MAP1S: variants seen among roughly 807,000 people sequenced by gnomAD.
MAP1S encodes microtubule-associated protein 1S.
Under a neutral mutation model 60.9 loss-of-function variants are expected in MAP1S, and 27 were observed. The ratio of observed to expected loss-of-function variants is 0.44; its 90% confidence interval spans 0.33 to 0.61. MAP1S has a LOEUF of 0.61. Among genes scored for constraint, MAP1S ranks in the 20% least tolerant of loss-of-function variants. The pLI, the probability that MAP1S is intolerant of heterozygous loss-of-function variation, is 0.03. For synonymous variants in MAP1S, 826 were observed against 694.2 expected (o/e 1.19, Z -2.98); for missense variants, 1,608 against 1,486.6 (o/e 1.08, Z -1.34).
Position 17,725,093 on chromosome 19 carries a change from G to T in MAP1S, c.348G>T (p.Val116=). Residue 116 remains valine (V), a synonymous_variant, in exon 4 of 7, where the codon GTG becomes GTT. Transcript: ENST00000324096. The surrounding 1 kb of genome is among the most constrained non-coding windows in gnomAD (Gnocchi z 4.2). ...ACCCTGCCTCTCACAAGCTACTGGT[G>T]TTGGCTGGGCCCTGCCTGGAGGAGA... ...LLDPASHKLL[V]LAGPCLEETG... 1 of 1,614,186 alleles carries T rather than the reference G, an allele frequency of 6.2e-7. No individual in the cohort carries two copies. The highest frequency in any genetic ancestry group is 2.2e-5 in the East Asian group (1 of 44,880).
rs1267194421 is a variant in MAP1S, at chr19:17,726,147, T to C, written c.763T>C (p.Phe255Leu). The C allele has an allele frequency of 1.2e-6, 2 of 1,613,772 alleles. No homozygotes were observed. Among genetic ancestry groups the C allele is most frequent in the African/African-American group, 2.7e-5 (2 of 74,928 alleles). Reference sequence around the variant, plus strand: ...CCCTGGAGGCCTCGGGGATGCCGCCTTCTTCGCCGTCAATGGCTTCACTGT... The same window carrying C: ...CCCTGGAGGCCTCGGGGATGCCGCCCTCTTCGCCGTCAATGGCTTCACTGT... ...IFPGGLGDAA[F>L]FAVNGFTVLV... is the part of the protein sequence containing the mutation. The change falls in exon 5 of 7, where the codon TTC becomes CTC. Residue 255 changes from phenylalanine to leucine, a missense_variant. Transcript: ENST00000324096.
At chr19:17,730,821 C>G (rs7254726) in intron 5 of MAP1S, among the ~76,000 whole-genome samples, 5,683 of 151,314 alleles carry the variant, frequency 0.038, 364 homozygotes, top group African/African-American at 0.13. Context: ...CTATTTTTTT[C>G]TTTTGTTGTC....
chr19:17,726,231 G>C lies in MAP1S; in HGVS notation c.847G>C (p.Asp283His), dbSNP rs1349585609. 1 of 1,608,868 alleles carries C rather than the reference G, an allele frequency of 6.2e-7. No individual in the cohort carries two copies. Residue 283 changes from aspartate to histidine, a missense_variant, in exon 5 of 7, where the codon GAC becomes CAC. Coordinates refer to ENST00000324096, the MANE Select transcript of MAP1S (RefSeq NM_018174.6). ...TTTCTGGAAGCTGGTGCGGCACCTG[G>C]ACCGCGTGGATGCCGTGCTGGTGAC... The part of the protein sequence containing the change: ...SSFWKLVRHL[D>H]RVDAVLVTHP...
rs1370663094 is a variant in MAP1S, at chr19:17,726,225, C to T, written c.841C>T (p.His281Tyr). The T allele has an allele frequency of 1.2e-6, 2 of 1,609,672 alleles. No individual in the cohort carries two copies. The highest frequency in any genetic ancestry group is 1.7e-5 in the Admixed American group (1 of 59,350). The change falls in exon 5 of 7, where the codon CAC becomes TAC. Residue 281 changes from histidine (H) to tyrosine (Y), a missense_variant. Transcript: ENST00000324096. The part of the protein sequence containing the change: ...PKSSFWKLVR[H>Y]LDRVDAVLVT... ...GTCCAGTTTCTGGAAGCTGGTGCGG[C>T]ACCTGGACCGCGTGGATGCCGTGCT...
At chr19:17,724,267 C>T in intron 3 of MAP1S, 59 bp downstream of exon 3, 3 of 1,383,602 alleles carry the variant, frequency 2.2e-6, no homozygotes, top group Non-Finnish European at 3.1e-6. Context: ...CCTTCTCTGT[C>T]TTCCTGTCTC....
At position 17,726,640 on chromosome 19, in the gene MAP1S, ACCCCGCCGG is replaced by A. The variant is rs1568292623; in HGVS notation, c.1262_1270del (p.Ala421_Pro423del). The A allele has an allele frequency of 6.4e-7, 1 of 1,567,408 alleles. No individual in the cohort carries two copies. Among genetic ancestry groups the A allele is most frequent in the Non-Finnish European group, 8.6e-7 (1 of 1,161,106 alleles). On this transcript the variant is annotated inframe_deletion, in exon 5 of 7. Coordinates refer to ENST00000324096, the MANE Select transcript of MAP1S (RefSeq NM_018174.6). Reference sequence around the variant, plus strand: ...TCTGTGTGCGCCCTGCTGGTGTGGCACCCCGCCGGCCCCGGCGAGAAGGTGGTGCGCGTG... The same window carrying A: ...TCTGTGTGCGCCCTGCTGGTGTGGCACCCCGGCGAGAAGGTGGTGCGCGTG...
Position 17,727,228 on chromosome 19 carries a change from C to T in MAP1S, c.1844C>T (p.Pro615Leu), listed in dbSNP as rs756202951. ...LVATPSLELG[P>L]IPAGEEKALE... ...GCCACGCCCAGCCTGGAGCTGGGGC[C>T]GATCCCAGCCGGGGAGGAGAAGGCA... The change falls in exon 5 of 7, where the codon CCG (proline) becomes CTG (leucine). Residue 615 changes from proline (P) to leucine (L), a missense_variant. Pro to Leu is a moderately conservative substitution (Grantham distance 98). Coordinates refer to ENST00000324096, the MANE Select transcript of MAP1S (RefSeq NM_018174.6). The surrounding 1 kb of genome is among the most constrained non-coding windows in gnomAD (Gnocchi z 4.1). 6.4e-6 allele frequency: 10 copies of T among 1,565,184 alleles called. No homozygotes were observed. Among genetic ancestry groups the T allele is most frequent in the East Asian group, 2.4e-5 (1 of 42,374 alleles).
Position 17,725,989 on chromosome 19 carries a change from C to T in MAP1S, c.605C>T (p.Pro202Leu). 1.9e-6 allele frequency: 3 copies of T among 1,612,464 alleles called. No homozygotes were observed. The highest frequency in any genetic ancestry group is 2.5e-6 in the Non-Finnish European group (3 of 1,179,382). ...QLRLNPPAQL[P>L]NSEGLCEFLE... ...CGGCTGAACCCCCCGGCGCAGCTGC[C>T]CAACTCTGAGGGCCTGTGCGAATTC... is the stretch of plus-strand genomic sequence containing the variant. The change falls in exon 5 of 7, where the codon CCC becomes CTC. Residue 202 changes from proline to leucine, a missense_variant. Transcript: ENST00000324096. This position sits in a 1 kb window ranked among gnomAD's most constrained non-coding sequence, Gnocchi z 4.2.
In MAP1S at chr19:17,726,383, C is replaced by T. The variant is rs377353779; in HGVS notation, c.999C>T (p.Asn333=). 6.3e-6 allele frequency: 10 copies of T among 1,594,150 alleles called. No individual in the cohort carries two copies. In the African/African-American group the frequency reaches 1.2e-4, roughly 19 times the overall value. The change falls in exon 5 of 7, where the codon AAC becomes AAT. Residue 333 remains asparagine, a synonymous_variant. Transcript: ENST00000324096. ...GGCTGCGCAGGCTCATCTCCCCCAACCTGGGGGTCGTGTTCTTCAACGCCT... is the reference window on the plus strand; with the variant it reads ...GGCTGCGCAGGCTCATCTCCCCCAATCTGGGGGTCGTGTTCTTCAACGCCT... ...DDRLRRLISP[N]LGVVFFNACE...
Position 17,733,242 on chromosome 19 carries a change from G to T in MAP1S, c.2838G>T (p.Pro946=). ...PGVSATPPKS[P]VYLDLAYLPS... ...TGTCAGCCACCCCACCCAAGTCCCC[G>T]GTCTACCTGGACCTGGCCTACCTGC... is the stretch of plus-strand genomic sequence containing the variant. The change falls in exon 6 of 7, where the codon CCG becomes CCT. Residue 946 remains proline (P), a synonymous_variant. Transcript: ENST00000324096. 2.6e-6 allele frequency: 4 copies of T among 1,546,792 alleles called. No homozygotes were observed. Among genetic ancestry groups the T allele is most frequent in the Non-Finnish European group, 3.5e-6 (4 of 1,145,372 alleles).
chr19:17,720,400 A>T (rs1568289052), intron 1 of MAP1S: 1 of 1,534,858 alleles, frequency 6.5e-7, no homozygotes, highest in Admixed American at 2.0e-5. Context: ...TATGGCCGGG[A>T]TGATAGACAG....
intron 2 of MAP1S, chr19:17,721,359 A>G: frequency 5.3e-6 from 2 of 380,912 alleles, no homozygotes; most frequent in Non-Finnish European, 1.0e-5. Context: ...GAAGGGCCCC[A>G]GTCAAGACCC....
At position 17,719,514 on chromosome 19, in the gene MAP1S, G is replaced by T. The variant is rs1233367137; in HGVS notation, c.12G>T (p.Val4=). 4.8e-6 allele frequency: 6 copies of T among 1,245,452 alleles called. No individual in the cohort carries two copies. Among genetic ancestry groups the T allele is most frequent in the Non-Finnish European group, 6.1e-6 (6 of 987,626 alleles). 77.2% of individuals were successfully genotyped at this position (1,245,452 alleles called of 1,614,324 possible). A position where few individuals can be genotyped will look rare whatever the true frequency, so the allele number is the denominator to read the frequency against. Residue 4 remains valine, a synonymous_variant, in exon 1 of 7, where the codon GTG becomes GTT. Transcript: ENST00000324096. MAA[V]AGSGAAAAPS... is the part of the protein sequence containing the mutation. ...GGGGCGGCCCGAAGATGGCGGCGGT[G>T]GCTGGATCTGGGGCTGCCGCGGCTC...
rs199620104 is a variant in MAP1S, at chr19:17,727,002, G to C, written c.1618G>C (p.Glu540Gln). 6.3e-7 allele frequency: 1 copy of C among 1,581,034 alleles called. No homozygotes were observed. The highest frequency in any genetic ancestry group is 8.6e-7 in the Non-Finnish European group (1 of 1,164,608). The change falls in exon 5 of 7, where the codon GAG becomes CAG. Residue 540 changes from glutamate to glutamine, a missense_variant. By Grantham distance (29) the Glu-to-Gln change is conservative. This residue lies in a region of MAP1S where 1,167 missense variants were observed against 961.4 expected (regional missense o/e 1.21). Transcript: ENST00000324096. This position sits in a 1 kb window ranked among gnomAD's most constrained non-coding sequence, Gnocchi z 4.1. ...KPSVSRTQPR[E>Q]VRRAASSVPN... Reference sequence around the variant, plus strand: ...GAGTGTCTCCCGGACCCAGCCGCGGGAGGTGCGCCGGGCAGCCTCTTCTGT... The same window carrying C: ...GAGTGTCTCCCGGACCCAGCCGCGGCAGGTGCGCCGGGCAGCCTCTTCTGT...
At chr19:17,723,229 G>C (rs2080386997) in intron 2 of MAP1S, among the ~76,000 whole-genome samples, 1 of 152,066 alleles carries the variant, frequency 6.6e-6, no homozygotes, top group South Asian at 2.1e-4. Flanking sequence ...GGCCCTCCTC[G>C]AGCTCTGGCT....
At chr19:17,721,408 G>A (rs2080369411) in intron 2 of MAP1S, 12 of 340,554 alleles carry the variant, frequency 3.5e-5, no homozygotes, top group South Asian at 2.7e-4. Flanking sequence ...CGGGCGCGGT[G>A]GCTTACGCCT....
rs2080419818 is a variant in MAP1S, at chr19:17,726,291, A to G, written c.907A>G (p.Ser303Gly). The change falls in exon 5 of 7, where the codon AGC (serine) becomes GGC (glycine). Residue 303 changes from serine (S) to glycine (G), a missense_variant. By Grantham distance (56) the Ser-to-Gly change is moderately conservative. Around this residue, in one of 4 missense-constraint regions of MAP1S, gnomAD observed 320 missense variants for 393.1 expected, o/e 0.81. Coordinates refer to ENST00000324096, the MANE Select transcript of MAP1S (RefSeq NM_018174.6). Reference protein sequence around the residue: ...PGADSLPGLNSLLRRKLAERS... With the variant: ...PGADSLPGLNGLLRRKLAERS... Reference sequence around the variant, plus strand: ...CGCCGACAGCCTCCCCGGCCTCAACAGCCTGCTGCGGCGCAAACTGGCGGA... The same window carrying G: ...CGCCGACAGCCTCCCCGGCCTCAACGGCCTGCTGCGGCGCAAACTGGCGGA... The G allele has an allele frequency of 6.2e-7, 1 of 1,607,484 alleles. No homozygotes were observed. Among genetic ancestry groups the G allele is most frequent in the Non-Finnish European group, 8.5e-7 (1 of 1,178,272 alleles).
At position 17,727,507 on chromosome 19, in the gene MAP1S, C is replaced by A. The variant is rs539870902; in HGVS notation, c.2123C>A (p.Pro708Gln). Reference sequence around the variant, plus strand: ...GTGTCCTTTGAGCAGGTGCTGCCGCCATCCGCCCCCACCAGTGAGGCTGGG... The same window carrying A: ...GTGTCCTTTGAGCAGGTGCTGCCGCAATCCGCCCCCACCAGTGAGGCTGGG... ...LSVSFEQVLP[P>Q]SAPTSEAGLS... is the part of the protein sequence containing the mutation. The change falls in exon 5 of 7, where the codon CCA (proline) becomes CAA (glutamine). Residue 708 changes from proline (P) to glutamine (Q), a missense_variant. Transcript: ENST00000324096. The surrounding 1 kb of genome is among the most constrained non-coding windows in gnomAD (Gnocchi z 4.1). The A allele has an allele frequency of 1.2e-6, 2 of 1,610,894 alleles. No homozygotes were observed. Among genetic ancestry groups the A allele is most frequent in the South Asian group, 2.2e-5 (2 of 90,908 alleles).
intron 1 of MAP1S, chr19:17,720,483 G>C: frequency 6.6e-7 from 1 of 1,526,140 alleles, no homozygotes; most frequent in Non-Finnish European, 8.8e-7. Context: ...CAAGCTTCCA[G>C]CTCACATGGT....
Sources: allele counts gnomAD v4.1 joint callset (sites outside exome capture counted in the v4.1 genomes callset), GRCh38; gene constraint gnomAD v4.1.1; regional missense constraint gnomAD v4.1.1; non-coding constraint Gnocchi (gnomAD v3.1); transcripts MANE v1.5; gene names NCBI Gene and HGNC (gene_info 2026-07-23, HGNC 2026-07-21).